The following CHIA variants were observed in gnomAD, a reference collection of about 807,000 sequenced individuals.
The protein encoded by CHIA is acidic mammalian chitinase.
Under a neutral mutation model 53.5 loss-of-function variants are expected in CHIA, and 47 were observed. That is an observed-to-expected ratio of 0.88 (90% CI 0.70 to 1.12). CHIA has a LOEUF of 1.12. Ranked by LOEUF, CHIA falls within the 50% of genes most tolerant of loss-of-function variation. CHIA has a pLI of 0.00. For missense variants in CHIA, 652 were observed against 592.2 expected (o/e 1.10, Z -1.05); for synonymous variants, 268 against 222.2 (o/e 1.21, Z -1.83).
At chr1:111,295,846 C>G (rs1661306158) in intron 1 of CHIA, among the ~76,000 whole-genome samples, 1 of 152,208 alleles carries the variant, frequency 6.6e-6, no homozygotes, top group South Asian at 2.1e-4. Context: ...AAAATCGGGA[C>G]ACTCCCACCC....
In CHIA at chr1:111,319,428, A is replaced by G. The variant is rs1457224922; in HGVS notation, c.1137A>G (p.Leu379=). Residue 379 remains leucine (L), a synonymous_variant, in exon 11 of 12, where the codon CTA becomes CTG. Transcript: ENST00000369740. ...TCTGCAACCAGGGCAAGTTTCCCCT[A>G]ATCTCCACCCTGAAGAAGGCCCTCG... ...GTFCNQGKFP[L]ISTLKKALGL... is the part of the protein sequence containing the mutation. 6.2e-7 allele frequency: 1 copy of G among 1,614,102 alleles called. No individual in the cohort carries two copies. Among genetic ancestry groups the G allele is most frequent in the Admixed American group, 1.7e-5 (1 of 60,024 alleles).
intron 5 of CHIA, chr1:111,315,013 C>T: frequency 2.2e-6 from 1 of 451,988 alleles, no homozygotes; most frequent in Non-Finnish European, 4.0e-6. Flanking sequence ...GCTGGGTTTG[C>T]CAGGTATCCA....
chr1:111,307,944 A>G (rs1648329949), intron 1 of CHIA, among the ~76,000 whole-genome samples: 1 of 152,112 alleles, frequency 6.6e-6, no homozygotes, highest in South Asian at 2.1e-4. Flanking sequence ...GCTTGGCCAT[A>G]TTTTTCTTAA....
Position 111,318,665 on chromosome 1 carries a change from G to A in CHIA, c.902G>A (p.Trp301Ter), listed in dbSNP as rs150840174. The A allele has an allele frequency of 1.4e-5, 22 of 1,613,618 alleles. No homozygotes were observed. Among genetic ancestry groups the A allele is most frequent in the Middle Eastern group, 1.6e-4 (1 of 6,078 alleles). ...AGPYAKESGIWAYYEICTFLK... is the reference protein window; with the variant it reads ...AGPYAKESGI ...CCCTATGCCAAGGAGTCTGGGATCT[G>A]GGCTTACTACGAGGTATGTAGATTG... is the stretch of plus-strand genomic sequence containing the variant. The change falls in exon 9 of 12, where the codon TGG (tryptophan) becomes TAG (stop). Residue 301 changes from tryptophan (W) to a stop codon, truncating the protein, a stop_gained. Transcript: ENST00000369740. LOFTEE classifies it high-confidence loss of function.
At chr1:111,298,621 C>A (rs548847532) in intron 1 of CHIA, among the ~76,000 whole-genome samples, 4 of 152,180 alleles carry the variant, frequency 2.6e-5, no homozygotes, top group Non-Finnish European at 5.9e-5. Flanking sequence ...ACTAAATGCC[C>A]ACAAGAGAAA....
chr1:111,304,934 T>C (rs888559015), intron 1 of CHIA, among the ~76,000 whole-genome samples: 1 of 152,156 alleles, frequency 6.6e-6, no homozygotes, highest in African/African-American at 2.4e-5. Context: ...CTTTTTTGTA[T>C]TTTTTATTTT....
chr1:111,309,176 T>C (rs932817075), intron 1 of CHIA, among the ~76,000 whole-genome samples: 1 of 152,218 alleles, frequency 6.6e-6, no homozygotes, highest in Admixed American at 6.5e-5. Flanking sequence ...ACCCTGGAAC[T>C]AAAATAAAAT....
intron 4 of CHIA, among the ~76,000 whole-genome samples, chr1:111,313,801 T>A (rs1320653269): frequency 1.3e-5 from 2 of 152,352 alleles, no homozygotes; most frequent in South Asian, 2.1e-4. Context: ...TAATCCATTC[T>A]GAGTTGACTT....
intron 1 of CHIA, among the ~76,000 whole-genome samples, chr1:111,306,681 A>T (rs12068267): frequency 6.6e-6 from 1 of 152,228 alleles, no homozygotes; most frequent in African/African-American, 2.4e-5. Flanking sequence ...GTTGGAAAAG[A>T]TATGTTCAAT....
rs1294594825 is a variant in CHIA, at chr1:111,319,007, A to G, written c.916-113A>G. On this transcript the variant is annotated intron_variant, in intron 9 of 11. Transcript: ENST00000369740. ...TCTTTACTACAAATAAAAACCTGTA[A>G]CTAGAAATTGAGCAAAACCCCAACT... 4 of 1,399,514 alleles carry G rather than the reference A, an allele frequency of 2.9e-6. No homozygotes were observed. In the African/African-American group the frequency reaches 4.4e-5, roughly 15 times the overall value. The allele number at this position is 1,399,514 out of a possible 1,614,324, so 86.7% of individuals were successfully genotyped here. A position where few individuals can be genotyped will look rare whatever the true frequency, so the allele number is the denominator to read the frequency against.
intron 1 of CHIA, 50 bp from the exon 2 acceptor site, chr1:111,310,349 GA>G: frequency 6.4e-7 from 1 of 1,557,962 alleles, no homozygotes; most frequent in Non-Finnish European, 8.7e-7. Flanking sequence ...AAGGTCCGTT[GA>G]TTTACTGATT....
At chr1:111,296,272 AC>A (rs966408767) in intron 1 of CHIA, among the ~76,000 whole-genome samples, 2 of 152,144 alleles carry the variant, frequency 1.3e-5, no homozygotes, top group African/African-American at 2.4e-5. Context: ...TGGGTCCCTG[AC>A]CCCTGTGTAG....
intron 4 of CHIA, among the ~76,000 whole-genome samples, chr1:111,314,143 G>T (rs760332606): frequency 6.6e-6 from 1 of 152,200 alleles, no homozygotes; most frequent in Non-Finnish European, 1.5e-5. Context: ...CTATTCAAGA[G>T]AATGTGTATA....
Position 111,314,609 on chromosome 1 carries a change from T to A in CHIA, c.314+13T>A. On this transcript the variant is annotated intron_variant, in intron 5 of 11. Coordinates refer to ENST00000369740, the MANE Select transcript of CHIA (RefSeq NM_201653.4). ...TCGGGACTGCCCCGTAAGTCTTCTATGGAGAGCATGTTGTTCGTTTGCTAT... is the reference window on the plus strand; with the variant it reads ...TCGGGACTGCCCCGTAAGTCTTCTAAGGAGAGCATGTTGTTCGTTTGCTAT... 3.1e-6 allele frequency: 5 copies of A among 1,606,502 alleles called. No individual in the cohort carries two copies. The highest frequency in any genetic ancestry group is 4.3e-6 in the Non-Finnish European group (5 of 1,173,142).
intron 6 of CHIA, chr1:111,316,899 G>A (rs1478331322): frequency 6.6e-6 from 1 of 152,160 alleles, no homozygotes; most frequent in Non-Finnish European, 1.5e-5. Context: ...TTTCTTGGCT[G>A]GAACATGCCT....
chr1:111,306,839 C>CA (rs1255819581), intron 1 of CHIA, among the ~76,000 whole-genome samples: 1 of 152,110 alleles, frequency 6.6e-6, no homozygotes, highest in East Asian at 1.9e-4. Context: ...CAATAAATGT[C>CA]AAAAATGCTC....
intron 1 of CHIA, among the ~76,000 whole-genome samples, chr1:111,300,961 C>G (rs538640634): frequency 1.3e-5 from 2 of 152,246 alleles, no homozygotes; most frequent in Admixed American, 1.3e-4. Context: ...ATTTATGCAG[C>G]CAACAGACAT....
At chr1:111,312,853 T>C (rs1251282133) in intron 4 of CHIA, among the ~76,000 whole-genome samples, 2 of 147,870 alleles carry the variant, frequency 1.4e-5, no homozygotes, top group Non-Finnish European at 3.0e-5. Flanking sequence ...TATATACTTC[T>C]ATGAGTTCAA....
At chr1:111,307,453 T>G (rs1429609126) in intron 1 of CHIA, among the ~76,000 whole-genome samples, 1 of 152,170 alleles carries the variant, frequency 6.6e-6, no homozygotes, top group African/African-American at 2.4e-5. Flanking sequence ...AACTAATGAA[T>G]GTATCATTTG....
Sources: gnomAD v4.1 joint callset for allele counts (sites outside exome capture counted in the v4.1 genomes callset) on GRCh38, gnomAD v4.1.1 for gene constraint, MANE v1.5 for transcripts, NCBI Gene and HGNC (gene_info 2026-07-23, HGNC 2026-07-21) for gene names.